Variants in SYTL5 observed in about 807,000 individuals in gnomAD.
The protein encoded by SYTL5 is synaptotagmin like 5, also known as synaptotagmin-like protein 5.
SYTL5 carries 34 observed loss-of-function variants against 55.9 expected under a neutral mutation model. That is an observed-to-expected ratio of 0.61 (90% confidence interval 0.46 to 0.81). SYTL5 has a LOEUF of 0.81. Among genes scored for constraint, SYTL5 ranks in the 30% least tolerant of loss-of-function variants. SYTL5 has a pLI of 0.00. For synonymous variants in SYTL5, 221 were observed against 188.7 expected (o/e 1.17, Z -1.40); for missense variants, 637 against 546.7 (o/e 1.17, Z -1.65).
the SYTL5 span, among the ~76,000 whole-genome samples, chrX:37,977,114 A>G: frequency 8.9e-6 from 1 of 112,069 alleles, no homozygotes; most frequent in East Asian, 2.8e-4. Flanking sequence ...ATTCATAAGA[A>G]TGTGCTAGAA....
At chrX:37,984,808 T>C in the SYTL5 span, among the ~76,000 whole-genome samples, 1 of 111,837 alleles carries the variant, frequency 8.9e-6, no homozygotes, top group African/African-American at 3.2e-5. Context: ...GGATTTATCC[T>C]AGCAAGGCCA....
At chrX:38,012,777 C>A (rs1346865958) in intron 1 of SYTL5, among the ~76,000 whole-genome samples, 1 of 111,604 alleles carries the variant, frequency 9.0e-6, no homozygotes, top group Non-Finnish European at 1.9e-5. Context: ...TTCATTAAAT[C>A]AAGTGACATT....
chrX:37,991,384 C>T, the SYTL5 span: 1 of 735,987 alleles, frequency 1.4e-6, no homozygotes, highest in Non-Finnish European at 1.9e-6. Context: ...CCAGGGGAAG[C>T]TATCCCCAGA....
the SYTL5 span, among the ~76,000 whole-genome samples, chrX:37,952,943 G>T: frequency 1.8e-5 from 2 of 110,528 alleles, no homozygotes; most frequent in Non-Finnish European, 3.8e-5. Flanking sequence ...GAGTGACAAA[G>T]AATTTTATCG....
chrX:37,983,540 AT>A, the SYTL5 span, among the ~76,000 whole-genome samples: 1 of 112,403 alleles, frequency 8.9e-6, no homozygotes, highest in African/African-American at 3.2e-5. Context: ...TAAATAGACA[AT>A]TTAACAATAA....
the SYTL5 span, among the ~76,000 whole-genome samples, chrX:37,971,318 A>G: frequency 3.6e-5 from 4 of 111,422 alleles, no homozygotes; most frequent in Non-Finnish European, 7.5e-5. Flanking sequence ...AAAATCAGAT[A>G]GCAAAGTTTA....
At chrX:38,103,132 C>T (rs774850893) in intron 10 of SYTL5, 8 of 990,824 alleles carry the variant, frequency 8.1e-6, no homozygotes, top group Non-Finnish European at 9.7e-6. Flanking sequence ...TCCAACCATA[C>T]TTCACAAATT....
the SYTL5 span, among the ~76,000 whole-genome samples, chrX:37,914,311 A>T: frequency 8.9e-6 from 1 of 112,183 alleles, no homozygotes; most frequent in Non-Finnish European, 1.9e-5. Flanking sequence ...TAATACAAAA[A>T]TTCTGAAATA....
chrX:38,029,285 A>T (rs1258169236), intron 1 of SYTL5, among the ~76,000 whole-genome samples: 5 of 112,269 alleles, frequency 4.5e-5, no homozygotes, highest in African/African-American at 1.3e-4. Context: ...CTAACTTCAA[A>T]CAATCCTTTA....
intron 9 of SYTL5, among the ~76,000 whole-genome samples, chrX:38,101,924 C>A (rs1937097234): frequency 9.2e-6 from 1 of 109,166 alleles, no homozygotes; most frequent in African/African-American, 3.3e-5. Context: ...CTAGTTCATC[C>A]TAGTGGAGAG....
chrX:37,895,830 A>G, the SYTL5 span, among the ~76,000 whole-genome samples: 3 of 111,921 alleles, frequency 2.7e-5, no homozygotes, highest in Non-Finnish European at 5.6e-5. Flanking sequence ...ACATTAGAAA[A>G]TAGACTGATT....
At chrX:37,954,024 G>A in the SYTL5 span, among the ~76,000 whole-genome samples, 2 of 111,403 alleles carry the variant, frequency 1.8e-5, no homozygotes, top group Middle Eastern at 4.6e-3. Flanking sequence ...GTTGGAACAA[G>A]ATCATGGAGC....
intron 1 of SYTL5, among the ~76,000 whole-genome samples, 157 bp from the exon 2 acceptor site, chrX:38,033,377 T>G (rs770315830): frequency 2.7e-5 from 3 of 112,728 alleles, no homozygotes; most frequent in Non-Finnish European, 5.6e-5. Context: ...AAAAAAACAC[T>G]AAATAAAGAT....
At chrX:38,024,707 G>C (rs1934694683) in intron 1 of SYTL5, among the ~76,000 whole-genome samples, 2 of 111,555 alleles carry the variant, frequency 1.8e-5, no homozygotes, top group South Asian at 3.8e-4. Flanking sequence ...TGTTTCATTA[G>C]GAAGTCATAA....
the SYTL5 span, among the ~76,000 whole-genome samples, chrX:37,909,418 A>T: frequency 1.3e-4 from 15 of 111,975 alleles, no homozygotes; most frequent in African/African-American, 4.5e-4. Flanking sequence ...AGCCCATGAC[A>T]GCTTTGAATG....
chrX:38,108,929 G>T (rs1400542514), intron 12 of SYTL5, among the ~76,000 whole-genome samples: 1 of 112,448 alleles, frequency 8.9e-6, no homozygotes, highest in Non-Finnish European at 1.9e-5. Context: ...TGAACCTTGA[G>T]TAGAGAGGAT....
In SYTL5 at chrX:38,125,294, G is replaced by A. The variant is rs779520015; in HGVS notation, c.1842-4G>A. 14 of 1,205,211 alleles carry A rather than the reference G, an allele frequency of 1.2e-5. No individual in the cohort carries two copies. The highest frequency in any genetic ancestry group is 2.3e-4 in the Middle Eastern group (1 of 4,317). Reference sequence around the variant, plus strand: ...TGATGATTTGATTGTTTTTTCTCATGCAGCTACCTGCTCCCTGATGATAGC... The same window carrying A: ...TGATGATTTGATTGTTTTTTCTCATACAGCTACCTGCTCCCTGATGATAGC... On this transcript the variant is annotated splice_region_variant and splice_polypyrimidine_tract_variant and intron_variant, in intron 15 of 16. Transcript: ENST00000297875.
intron 10 of SYTL5, chrX:38,103,220 T>C (rs1433617812): frequency 4.6e-6 from 2 of 433,918 alleles, no homozygotes; most frequent in Non-Finnish European, 3.8e-6. Context: ...AACCAGAGGT[T>C]ATCTTCTAAA....
At chrX:37,991,222 C>A in the SYTL5 span, 20 of 1,189,865 alleles carry the variant, frequency 1.7e-5, no homozygotes, top group Admixed American at 2.3e-5. Flanking sequence ...TTGAAGGGAA[C>A]CTCACAGGCT....
Sources: allele counts gnomAD v4.1 joint callset (sites outside exome capture counted in the v4.1 genomes callset), GRCh38; gene constraint gnomAD v4.1.1; transcripts MANE v1.5; gene names NCBI Gene and HGNC (gene_info 2026-07-23, HGNC 2026-07-21).